The following PARN variants were observed in gnomAD, a reference collection of about 807,000 sequenced individuals.
PARN encodes the protein poly(A)-specific ribonuclease.
Under a neutral mutation model 102.8 loss-of-function variants are expected in PARN, and 71 were observed. The ratio of observed to expected loss-of-function variants is 0.69; its 90% CI spans 0.57 to 0.84. The LOEUF (loss-of-function observed/expected upper bound fraction) is 0.84, where lower values mean the gene tolerates loss of function less well. Among genes scored for constraint, PARN ranks in the 40% least tolerant of loss-of-function variants. PARN has a pLI of 0.00. For missense variants in PARN, 782 were observed against 760.9 expected (o/e 1.03, Z -0.33); for synonymous variants, 261 against 252.9 (o/e 1.03, Z -0.30).
intron 21 of PARN, among the ~76,000 whole-genome samples, chr16:14,527,034 C>G (rs1432902427): frequency 6.6e-6 from 1 of 152,220 alleles, no homozygotes; most frequent in African/African-American, 2.4e-5. Context: ...CAGCTATATT[C>G]TATAAAGTCT....
intron 21 of PARN, among the ~76,000 whole-genome samples, chr16:14,541,988 C>T (rs1966843730): frequency 6.6e-6 from 1 of 151,698 alleles, no homozygotes; most frequent in African/African-American, 2.4e-5. Flanking sequence ...TCAGATGATG[C>T]AGATGTTGGA....
chr16:14,496,196 G>A (rs1011840254), intron 21 of PARN, among the ~76,000 whole-genome samples: 3 of 152,188 alleles, frequency 2.0e-5, no homozygotes, highest in East Asian at 1.9e-4. Flanking sequence ...TGTGAAGCCC[G>A]AGCTCCCTGA....
chr16:14,482,061 A>G (rs1194503996), intron 22 of PARN, among the ~76,000 whole-genome samples: 1 of 152,120 alleles, frequency 6.6e-6, no homozygotes, highest in Non-Finnish European at 1.5e-5. Context: ...ACTGGTGAAC[A>G]AGACACAAAG....
intron 22 of PARN, among the ~76,000 whole-genome samples, chr16:14,451,674 C>T (rs1374137053): frequency 6.6e-6 from 1 of 151,220 alleles, no homozygotes; most frequent in Non-Finnish European, 1.5e-5. Context: ...TCTGGGGTAA[C>T]GTTAATTCCC....
intron 2 of PARN, among the ~76,000 whole-genome samples, chr16:14,629,253 T>G (rs1429082366): frequency 6.6e-6 from 1 of 152,200 alleles, no homozygotes; most frequent in African/African-American, 2.4e-5. Flanking sequence ...TAAAGCCACT[T>G]AAAATGGCAA....
chr16:14,569,071 G>T (rs1032421126), intron 18 of PARN, among the ~76,000 whole-genome samples: 4 of 151,698 alleles, frequency 2.6e-5, no homozygotes, highest in Admixed American at 2.0e-4. Context: ...AATTTGCCGG[G>T]TATGGTGGCT....
intron 18 of PARN, among the ~76,000 whole-genome samples, chr16:14,575,677 G>A (rs915854275): frequency 2.0e-5 from 3 of 152,202 alleles, no homozygotes; most frequent in African/African-American, 7.2e-5. Flanking sequence ...AGTTTGGACT[G>A]TGGACTTTTA....
intron 6 of PARN, among the ~76,000 whole-genome samples, chr16:14,617,183 G>C (rs1424938804): frequency 6.6e-6 from 1 of 151,366 alleles, no homozygotes; most frequent in Non-Finnish European, 1.5e-5. Context: ...AGGAGATCGA[G>C]ACCATCCTGG....
intron 21 of PARN, among the ~76,000 whole-genome samples, chr16:14,540,815 G>T (rs1323399102): frequency 6.6e-6 from 1 of 151,992 alleles, no homozygotes; most frequent in Non-Finnish European, 1.5e-5. Context: ...GCTGGGCATG[G>T]TGGTGTACAT....
rs1971191532 is a variant in PARN at position 14,606,476 on chromosome 16, G to C, written c.702+8C>G. ...TTAATGTTAGCCCTAGATAATTCTT[G>C]GGGTTACCTTTTCAGTTTCTAAAGT... is the stretch of plus-strand genomic sequence containing the variant. On this transcript the variant is annotated splice_region_variant and intron_variant, in intron 10 of 23. Coordinates refer to ENST00000437198, the MANE Select transcript of PARN (RefSeq NM_002582.4). The C allele has an allele frequency of 6.5e-7, 1 of 1,533,112 alleles. No homozygotes were observed. Among genetic ancestry groups the C allele is most frequent in the Admixed American group, 1.8e-5 (1 of 56,328 alleles). The allele number at this position is 1,533,112 out of a possible 1,614,324, so 95.0% of individuals were successfully genotyped here. A position where few individuals can be genotyped will look rare whatever the true frequency, so the allele number is the denominator to read the frequency against.
chr16:14,442,213 A>G (rs1960971638), intron 23 of PARN, among the ~76,000 whole-genome samples: 1 of 152,176 alleles, frequency 6.6e-6, no homozygotes, highest in African/African-American at 2.4e-5. Context: ...GAGATTCTCC[A>G]GAGAAGTGAG....
At chr16:14,587,105 A>G (rs1230465239) in intron 13 of PARN, among the ~76,000 whole-genome samples, 1 of 152,212 alleles carries the variant, frequency 6.6e-6, no homozygotes, top group Non-Finnish European at 1.5e-5. Flanking sequence ...CTTCAATGTT[A>G]TTCATGCTTC....
intron 21 of PARN, among the ~76,000 whole-genome samples, chr16:14,499,115 G>A (rs1389529162): frequency 6.6e-6 from 1 of 152,236 alleles, no homozygotes; most frequent in Admixed American, 6.5e-5. Context: ...GGGATCTTAG[G>A]AGGACTATTC....
At chr16:14,603,885 T>C (rs963767651) in intron 11 of PARN, among the ~76,000 whole-genome samples, 14 of 152,214 alleles carry the variant, frequency 9.2e-5, no homozygotes, top group African/African-American at 3.4e-4. Context: ...ACAAGCTAAA[T>C]GAGAATCAAG....
intron 6 of PARN, 134 bp from the exon 7 acceptor site, chr16:14,610,943 A>G: frequency 1.6e-6 from 1 of 634,480 alleles, no homozygotes; most frequent in Non-Finnish European, 2.8e-6. Context: ...ATGAACAGAA[A>G]GGCAAATGAT....
intron 22 of PARN, among the ~76,000 whole-genome samples, chr16:14,481,791 T>C (rs1963398599): frequency 6.6e-6 from 1 of 152,228 alleles, no homozygotes; most frequent in Non-Finnish European, 1.5e-5. Context: ...TGAACATATG[T>C]ATGTACACAT....
chr16:14,480,940 A>AAAATAAAT (rs34273832), intron 22 of PARN, among the ~76,000 whole-genome samples: 3,534 of 149,062 alleles, frequency 0.024, 43 homozygotes, highest in South Asian at 0.031. Context: ...CCTGCCTCAA[A>AAAATAAAT]AAATAAATAA....
At chr16:14,541,735 C>A (rs1966841562) in intron 21 of PARN, among the ~76,000 whole-genome samples, 1 of 151,736 alleles carries the variant, frequency 6.6e-6, no homozygotes, top group South Asian at 2.1e-4. Context: ...CCTCAGCCTC[C>A]CAAAGTGCTG....
At chr16:14,498,660 C>T (rs1964439239) in intron 21 of PARN, among the ~76,000 whole-genome samples, 1 of 152,224 alleles carries the variant, frequency 6.6e-6, no homozygotes, top group Non-Finnish European at 1.5e-5. Flanking sequence ...GAGCCCTGTG[C>T]CTGTGCTTCC....
Sources: allele counts gnomAD v4.1 joint callset (sites outside exome capture counted in the v4.1 genomes callset), GRCh38; gene constraint gnomAD v4.1.1; transcripts MANE v1.5; gene names NCBI Gene and HGNC (gene_info 2026-07-23, HGNC 2026-07-21).